Variants in PLPPR4 observed in about 807,000 individuals in gnomAD.
PLPPR4 encodes the protein phospholipid phosphatase-related protein type 4.
A neutral mutation model predicts 56.6 loss-of-function variants in PLPPR4; 24 were observed. That is an observed-to-expected ratio of 0.42 (90% CI 0.31 to 0.60). PLPPR4 has a LOEUF of 0.60. Among genes scored for constraint, PLPPR4 ranks in the 20% least tolerant of loss-of-function variants. The pLI is 0.13. For synonymous variants in PLPPR4, 326 were observed against 328.1 expected (o/e 0.99, Z 0.07); for missense variants, 654 against 885.8 (o/e 0.74, Z 3.32).
At chr1:99,297,517 G>T (rs904017624) in intron 3 of PLPPR4, among the ~76,000 whole-genome samples, 2 of 151,888 alleles carry the variant, frequency 1.3e-5, no homozygotes, top group African/African-American at 2.4e-5. Context: ...TAATATAGTT[G>T]AATAGTCACA....
chr1:99,301,546 T>C (rs1433441024), intron 5 of PLPPR4, among the ~76,000 whole-genome samples, 178 bp from the exon 6 acceptor site: 1 of 152,082 alleles, frequency 6.6e-6, no homozygotes. Context: ...TTGTTATTTA[T>C]TTGATAAATT....
intron 1 of PLPPR4, among the ~76,000 whole-genome samples, chr1:99,285,004 T>A (rs1659427335): frequency 6.6e-6 from 1 of 152,092 alleles, no homozygotes; most frequent in Non-Finnish European, 1.5e-5. Flanking sequence ...ACTGAAGAAA[T>A]TACTCTCAAA....
intron 1 of PLPPR4, among the ~76,000 whole-genome samples, chr1:99,287,096 T>C (rs1453129887): frequency 1.3e-5 from 2 of 152,152 alleles, no homozygotes; most frequent in South Asian, 2.1e-4. Flanking sequence ...TGTCCACGTG[T>C]TCTCAATGTT....
chr1:99,295,102 G>C (rs1242108422), intron 2 of PLPPR4, among the ~76,000 whole-genome samples: 1 of 152,176 alleles, frequency 6.6e-6, no homozygotes, highest in East Asian at 1.9e-4. Context: ...TTTTCAAAAA[G>C]TATAAATGGT....
In PLPPR4 at chr1:99,307,152, T is replaced by C; in HGVS notation, c.*142T>C. 1.0e-6 allele frequency: 1 copy of C among 991,332 alleles called. No homozygotes were observed. Among genetic ancestry groups the C allele is most frequent in the Non-Finnish European group, 1.5e-6 (1 of 676,350 alleles). The allele number at this position is 991,332 out of a possible 1,614,324, so 61.4% of individuals were successfully genotyped here. A position where few individuals can be genotyped will look rare whatever the true frequency, so the allele number is the denominator to read the frequency against. ...GAACTCTGTAACTTTTCAGAACTGC[T>C]ATACTCAAACTTGCAGATCTCACAT... On this transcript the variant is annotated 3_prime_UTR_variant, in exon 7 of 7. Transcript: ENST00000370185.
intron 2 of PLPPR4, among the ~76,000 whole-genome samples, chr1:99,294,008 G>C (rs1659683327): frequency 6.6e-6 from 1 of 151,492 alleles, no homozygotes; most frequent in Non-Finnish European, 1.5e-5. Flanking sequence ...GTTGTAAACT[G>C]TTTTCTGTTT....
chr1:99,271,489 G>A (rs1659058687), intron 1 of PLPPR4, among the ~76,000 whole-genome samples: 1 of 152,142 alleles, frequency 6.6e-6, no homozygotes, highest in Non-Finnish European at 1.5e-5. Flanking sequence ...TAGCTTCATG[G>A]TATCTGGATG....
rs1660039194 is a variant in PLPPR4 at position 99,306,671 on chromosome 1, C to A, written c.1809C>A (p.Ala603=). 1 of 1,613,974 alleles carries A rather than the reference C, an allele frequency of 6.2e-7. No individual in the cohort carries two copies. The highest frequency in any genetic ancestry group is 1.1e-5 in the South Asian group (1 of 91,074). ...GEGSGSWKWK[A]PEKGSLRQTY... ...GCAGTGGCTCCTGGAAGTGGAAAGC[C>A]CCTGAAAAGGGCAGCCTTCGCCAAA... The change falls in exon 7 of 7, where the codon GCC becomes GCA. Residue 603 remains alanine, a synonymous_variant. Coordinates refer to ENST00000370185, the MANE Select transcript of PLPPR4 (RefSeq NM_014839.5). The surrounding 1 kb of genome is among the most constrained non-coding windows in gnomAD (Gnocchi z 4.0).
intron 1 of PLPPR4, among the ~76,000 whole-genome samples, chr1:99,266,313 A>C (rs1402980647): frequency 6.6e-6 from 1 of 152,244 alleles, no homozygotes; most frequent in African/African-American, 2.4e-5. Flanking sequence ...AACACACCTG[A>C]GGTCAGCTAG....
In PLPPR4 at chr1:99,302,716, C is replaced by A. The variant is rs533719828; in HGVS notation, c.822+819C>A. ...AGTGTGATGTTCCCCTTCCTGTGTC[C>A]ATGTGTTCTCATTGTTCAATTCCCA... is the stretch of plus-strand genomic sequence containing the variant. On this transcript the variant is annotated intron_variant, in intron 6 of 6. Coordinates refer to ENST00000370185, the MANE Select transcript of PLPPR4 (RefSeq NM_014839.5). 3.1e-3 allele frequency among the ~76,000 whole-genome samples: 431 copies of A among 138,694 alleles called. 2 individuals carry two copies. Among genetic ancestry groups the A allele is most frequent in the African/African-American group, 0.011 (419 of 37,048 alleles). 91.0% of individuals were successfully genotyped at this position (138,694 alleles called of 152,430 possible). A position where few individuals can be genotyped will look rare whatever the true frequency, so the allele number is the denominator to read the frequency against.
At chr1:99,263,319 T>A (rs1450987058), upstream of PLPPR4, among the ~76,000 whole-genome samples, 1 of 152,082 alleles carries the variant, frequency 6.6e-6, no homozygotes, top group Non-Finnish European at 1.5e-5. Context: ...AAACAAGCAA[T>A]TATATTGCTA....
Position 99,272,230 on chromosome 1 carries a change from T to C in PLPPR4, c.78+7559T>C, listed in dbSNP as rs1391189310. ...TAAAATTATGCGATCCAAGAACATATGGCCTCACTGTTTCTTCTACCACCT... is the reference window on the plus strand; with the variant it reads ...TAAAATTATGCGATCCAAGAACATACGGCCTCACTGTTTCTTCTACCACCT... On this transcript the variant is annotated intron_variant, in intron 1 of 6. Coordinates refer to ENST00000370185, the MANE Select transcript of PLPPR4 (RefSeq NM_014839.5). Among the ~76,000 whole-genome samples, 5 of 152,168 alleles carry C rather than the reference T, an allele frequency of 3.3e-5. No homozygotes were observed. The South Asian group carries it at 8.3e-4, about 25-fold the overall frequency.
chr1:99,279,726 G>C (rs1432640579), intron 1 of PLPPR4, among the ~76,000 whole-genome samples: 4 of 152,186 alleles, frequency 2.6e-5, no homozygotes, highest in Non-Finnish European at 5.9e-5. Flanking sequence ...CATGCTTCCA[G>C]GAATTTAGCA....
chr1:99,299,734 A>T (rs1659833138), intron 4 of PLPPR4, among the ~76,000 whole-genome samples: 1 of 151,802 alleles, frequency 6.6e-6, no homozygotes, highest in South Asian at 2.1e-4. Context: ...CATGCCCCAG[A>T]CTCTGTGACA....
At position 99,309,173 on chromosome 1, in the gene PLPPR4, A is replaced by T. The variant is rs937610622; in HGVS notation, c.*2163A>T. 6.6e-6 allele frequency: 1 copy of T among 152,592 alleles called. No homozygotes were observed. Among genetic ancestry groups the T allele is most frequent in the Non-Finnish European group, 1.5e-5 (1 of 68,022 alleles). The allele number at this position is 152,592 out of a possible 1,614,324, so 9.5% of individuals were successfully genotyped here. Reference sequence around the variant, plus strand: ...TAGACACTAGAACTCAGACCTCTGCATGTATATTTGATAACATGTCTTTTG... The same window carrying T: ...TAGACACTAGAACTCAGACCTCTGCTTGTATATTTGATAACATGTCTTTTG... On this transcript the variant is annotated 3_prime_UTR_variant, in exon 7 of 7. Transcript: ENST00000370185.
chr1:99,297,040 T>A (rs1659761646), intron 3 of PLPPR4, among the ~76,000 whole-genome samples, 173 bp downstream of exon 3: 1 of 152,224 alleles, frequency 6.6e-6, no homozygotes, highest in African/African-American at 2.4e-5. Context: ...GGGTTTTGTA[T>A]CTGAAATGTG....
At chr1:99,264,357 G>A, upstream of PLPPR4, 3 of 1,096,594 alleles carry the variant, frequency 2.7e-6, no homozygotes, top group Non-Finnish European at 3.8e-6. Context: ...AAAACGGGGA[G>A]CAGGAGCCAG....
intron 4 of PLPPR4, among the ~76,000 whole-genome samples, chr1:99,300,389 AG>A (rs1232126098): frequency 1.3e-5 from 2 of 152,060 alleles, no homozygotes; most frequent in Non-Finnish European, 2.9e-5. Flanking sequence ...AATTTTGTAG[AG>A]AAACATTTTG....
At chr1:99,290,114 G>C (rs2100800149) in intron 2 of PLPPR4, among the ~76,000 whole-genome samples, 1 of 152,182 alleles carries the variant, frequency 6.6e-6, no homozygotes, top group African/African-American at 2.4e-5. Context: ...CAAAACTATT[G>C]TGCAAAAATC....
Sources: gnomAD v4.1 joint callset for allele counts (sites outside exome capture counted in the v4.1 genomes callset) on GRCh38, gnomAD v4.1.1 for gene constraint, Gnocchi (gnomAD v3.1) non-coding constraint, MANE v1.5 for transcripts, NCBI Gene and HGNC (gene_info 2026-07-23, HGNC 2026-07-21) for gene names.